USP47: variants seen among roughly 807,000 people sequenced by gnomAD.
USP47 encodes ubiquitin specific peptidase 47, also known as ubiquitin carboxyl-terminal hydrolase 47.
In USP47, 35 loss-of-function variants were observed where a neutral mutation model predicts 165.1. That is an observed-to-expected ratio of 0.21 (90% CI 0.16 to 0.28). The LOEUF (loss-of-function observed/expected upper bound fraction) is 0.28. USP47 is among the 10% of genes least tolerant of loss of function. USP47 has a pLI of 1.00. For missense variants in USP47, 1,277 were observed against 1,607.4 expected (o/e 0.79, Z 3.52); for synonymous variants, 531 against 544.5 (o/e 0.98, Z 0.35).
At chr11:11,875,319 G>A (rs1373352516) in intron 1 of USP47, among the ~76,000 whole-genome samples, 3 of 152,052 alleles carry the variant, frequency 2.0e-5, no homozygotes, top group African/African-American at 7.2e-5. Flanking sequence ...ACCTCAGTGT[G>A]TATTCTTTAA....
At chr11:11,924,282 A>G (rs2134631286) in intron 11 of USP47, among the ~76,000 whole-genome samples, 1 of 152,296 alleles carries the variant, frequency 6.6e-6, no homozygotes, top group South Asian at 2.1e-4. Context: ...TTGATTTTCA[A>G]ATGTTAAGCT....
In USP47 at chr11:11,949,911, C is replaced by T; in HGVS notation, c.3371C>T (p.Ala1124Val). The T allele has an allele frequency of 2.5e-6, 4 of 1,611,836 alleles. No individual in the cohort carries two copies. Among genetic ancestry groups the T allele is most frequent in the Non-Finnish European group, 3.4e-6 (4 of 1,178,746 alleles). The change falls in exon 23 of 28, where the codon GCT becomes GTT. Residue 1124 changes from alanine to valine, a missense_variant. Ala to Val is a moderately conservative substitution (Grantham distance 64). Coordinates refer to ENST00000527733, the MANE Select transcript of USP47 (RefSeq NM_001282659.2). The stretch of plus-strand genomic sequence containing the variant: ...TAGCCATGCAAGTTTCTGCTAGATG[C>T]TGTGTTTGCTAAAGGAATGACTGTA... ...EQEPCKFLLD[A>V]VFAKGMTVRQ... is the part of the protein sequence containing the mutation.
chr11:11,856,211 T>A (rs1388247482), intron 1 of USP47, among the ~76,000 whole-genome samples: 1 of 152,108 alleles, frequency 6.6e-6, no homozygotes, highest in East Asian at 1.9e-4. Flanking sequence ...GGGCAAAAAA[T>A]ATTTTTTTCC....
At chr11:11,924,100 T>G (rs1156564839) in intron 11 of USP47, among the ~76,000 whole-genome samples, 1 of 147,346 alleles carries the variant, frequency 6.8e-6, no homozygotes, top group Admixed American at 7.5e-5. Flanking sequence ...AGAGGAAAGC[T>G]TTCAGTTTCT....
intron 18 of USP47, 128 bp from the exon 19 acceptor site, chr11:11,940,299 CCT>C: frequency 1.1e-6 from 1 of 914,580 alleles, no homozygotes; most frequent in South Asian, 3.0e-5. Context: ...AATTTTAAAA[CCT>C]CTACTAAAAT....
At chr11:11,887,135 A>C (rs1030726141) in intron 3 of USP47, among the ~76,000 whole-genome samples, 2 of 152,232 alleles carry the variant, frequency 1.3e-5, no homozygotes, top group African/African-American at 2.4e-5. Context: ...AATACACTGA[A>C]GTACACAGAC....
intron 16 of USP47, 34 bp from the exon 17 acceptor site, chr11:11,936,269 T>C (rs1315738565): frequency 2.4e-6 from 3 of 1,226,282 alleles, no homozygotes; most frequent in Non-Finnish European, 3.3e-6. Flanking sequence ...TATGTATATA[T>C]ATTTTTTCTT....
At chr11:11,875,072 TGTG>T (rs555354249) in intron 1 of USP47, among the ~76,000 whole-genome samples, 1 of 141,824 alleles carries the variant, frequency 7.1e-6, no homozygotes, top group South Asian at 2.1e-4. Flanking sequence ...TGTGTGTGTG[TGTG>T]TGTGTGTTTA....
At chr11:11,948,224 AT>A (rs367697166) in intron 21 of USP47, 104 bp downstream of exon 21, 818 of 1,267,076 alleles carry the variant, frequency 6.5e-4, no homozygotes, top group Non-Finnish European at 7.2e-4. Flanking sequence ...AACTGGAAGG[AT>A]TTTTTTTTAA....
intron 1 of USP47, among the ~76,000 whole-genome samples, chr11:11,855,723 T>G (rs1187104736): frequency 6.6e-6 from 1 of 152,224 alleles, no homozygotes; most frequent in Admixed American, 6.5e-5. Flanking sequence ...TAAATACTTA[T>G]TTGTATTTAA....
At chr11:11,945,254 T>G (rs1301315644) in intron 20 of USP47, among the ~76,000 whole-genome samples, 2 of 152,176 alleles carry the variant, frequency 1.3e-5, no homozygotes, top group Non-Finnish European at 2.9e-5. Context: ...TAAGACTGAT[T>G]CATTGCAGCT....
chr11:11,952,880 A>G lies in USP47; in HGVS notation c.3714+9A>G. On this transcript the variant is annotated intron_variant, in intron 25 of 27. Coordinates refer to ENST00000527733, the MANE Select transcript of USP47 (RefSeq NM_001282659.2). ...ACGAATTGCGAGAGAAGGTAAGTTC[A>G]TTTTAAACAAAACATGTATCTTATG... 6.3e-7 allele frequency: 1 copy of G among 1,586,288 alleles called. No individual in the cohort carries two copies. The highest frequency in any genetic ancestry group is 8.6e-7 in the Non-Finnish European group (1 of 1,165,708).
At chr11:11,931,033 C>T (rs900944784) in intron 14 of USP47, among the ~76,000 whole-genome samples, 7 of 152,058 alleles carry the variant, frequency 4.6e-5, no homozygotes, top group South Asian at 4.1e-4. Context: ...GATGTAGGGA[C>T]GATAACATTT....
intron 1 of USP47, among the ~76,000 whole-genome samples, chr11:11,869,583 C>A (rs1314393510): frequency 6.6e-6 from 1 of 152,064 alleles, no homozygotes; most frequent in East Asian, 1.9e-4. Flanking sequence ...TATTCTGATT[C>A]CTTTGCCTTT....
intron 5 of USP47, among the ~76,000 whole-genome samples, chr11:11,900,812 G>T (rs911630960): frequency 1.3e-5 from 2 of 152,152 alleles, no homozygotes; most frequent in South Asian, 2.1e-4. Context: ...ACCTTTTCAG[G>T]TATTTGTACC....
intron 17 of USP47, among the ~76,000 whole-genome samples, chr11:11,936,778 G>A (rs1412335633): frequency 6.6e-6 from 1 of 151,790 alleles, no homozygotes; most frequent in Admixed American, 6.6e-5. Context: ...TTCTCCAGTG[G>A]GCGGTACTGA....
chr11:11,860,694 C>T (rs1849331134), intron 1 of USP47, among the ~76,000 whole-genome samples: 1 of 152,148 alleles, frequency 6.6e-6, no homozygotes, highest in South Asian at 2.1e-4. Flanking sequence ...ACAGCCTACT[C>T]ACAGAGGAAA....
chr11:11,956,163 G>A lies in USP47; in HGVS notation c.4056G>A (p.Leu1352=), dbSNP rs1856547994. Residue 1352 remains leucine, a synonymous_variant, in exon 28 of 28, where the codon CTG becomes CTA. Coordinates refer to ENST00000527733, the MANE Select transcript of USP47 (RefSeq NM_001282659.2). ...IYLDGAPNKD[L]TQD ...TGGATGGAGCACCAAATAAAGATCT[G>A]ACTCAAGACTGACTCTGATAGTGTA... 2 of 1,613,916 alleles carry A rather than the reference G, an allele frequency of 1.2e-6. No homozygotes were observed. The highest frequency in any genetic ancestry group is 1.3e-5 in the African/African-American group (1 of 74,928).
chr11:11,922,734 A>G lies in USP47; in HGVS notation c.1229A>G (p.Gln410Arg). The G allele has an allele frequency of 6.2e-7, 1 of 1,609,188 alleles. No individual in the cohort carries two copies. The highest frequency in any genetic ancestry group is 8.5e-7 in the Non-Finnish European group (1 of 1,176,956). The change falls in exon 11 of 28, where the codon CAG becomes CGG. Residue 410 changes from glutamine (Q) to arginine (R), a missense_variant. This residue lies in a region of USP47 where 175 missense variants were observed against 295.8 expected (regional missense o/e 0.59). Transcript: ENST00000527733. ...FIDVEDEKSPQTESCTDSGAE... is the reference protein window; with the variant it reads ...FIDVEDEKSPRTESCTDSGAE... ...TTATGTCTTATTAAGAAATCTCCTC[A>G]GACTGAAAGTTGCACTGACAGTGGA...
Sources: allele counts gnomAD v4.1 joint callset (sites outside exome capture counted in the v4.1 genomes callset), GRCh38; gene constraint gnomAD v4.1.1; regional missense constraint gnomAD v4.1.1; transcripts MANE v1.5; gene names NCBI Gene and HGNC (gene_info 2026-07-23, HGNC 2026-07-21).